MYH15: variants seen among roughly 807,000 people sequenced by gnomAD.
MYH15 encodes the protein myosin-15.
Under a neutral mutation model 240.5 loss-of-function variants are expected in MYH15, and 227 were observed. The ratio of observed to expected loss-of-function variants is 0.94; its 90% CI spans 0.85 to 1.05. The LOEUF (loss-of-function observed/expected upper bound fraction) is 1.05. Ranked by LOEUF, MYH15 falls within the 50% of genes least tolerant of loss-of-function variation. The pLI is 0.00. For missense variants in MYH15, 2,217 were observed against 2,247.5 expected (o/e 0.99, Z 0.27); for synonymous variants, 785 against 796.7 (o/e 0.99, Z 0.25).
intron 20 of MYH15, among the ~76,000 whole-genome samples, chr3:108,454,841 A>C (rs2083006027): frequency 6.6e-6 from 1 of 152,174 alleles, no homozygotes. Context: ...TTTCAACCTC[A>C]CTTGCCCAAC....
intron 30 of MYH15, among the ~76,000 whole-genome samples, chr3:108,413,696 T>G (rs2082611459): frequency 6.6e-6 from 1 of 152,224 alleles, no homozygotes; most frequent in Non-Finnish European, 1.5e-5. Context: ...ATTCTAATCT[T>G]AGGGGTGGCC....
At chr3:108,544,488 C>G in the MYH15 span, among the ~76,000 whole-genome samples, 1 of 152,120 alleles carries the variant, frequency 6.6e-6, no homozygotes, top group Non-Finnish European at 1.5e-5. Context: ...CTCCTTGGAT[C>G]GACCTACAAC....
intron 21 of MYH15, among the ~76,000 whole-genome samples, chr3:108,448,312 G>A (rs1412946400): frequency 6.6e-6 from 1 of 151,984 alleles, no homozygotes; most frequent in Non-Finnish European, 1.5e-5. Context: ...AAGACAGAGT[G>A]GCTGAATAGA....
In MYH15 at chr3:108,492,576, C is replaced by T. The variant is rs1442527979; in HGVS notation, c.795G>A (p.Arg265=). The change falls in exon 9 of 41, where the codon AGG becomes AGA. Residue 265 remains arginine, a synonymous_variant. Transcript: ENST00000693548. ...DIDIYLLEKS[R]VIFQQAGERN... ...TCTCTCCAGCCTGCTGGAAAATCAC[C>T]CTGGACTTTTCAAGCAAATCTGGAT... 6.2e-7 allele frequency: 1 copy of T among 1,612,762 alleles called. No individual in the cohort carries two copies. Among genetic ancestry groups the T allele is most frequent in the Non-Finnish European group, 8.5e-7 (1 of 1,179,236 alleles).
In MYH15 at chr3:108,441,124, CT is replaced by C; in HGVS notation, c.2791del (p.Arg931GlyfsTer12). The C allele has an allele frequency of 1.2e-6, 2 of 1,614,180 alleles. No individual in the cohort carries two copies. Among genetic ancestry groups the C allele is most frequent in the Non-Finnish European group, 8.5e-7 (1 of 1,180,012 alleles). On this transcript the variant is annotated frameshift_variant, in exon 23 of 41. Coordinates refer to ENST00000693548, the MANE Select transcript of MYH15 (RefSeq NM_014981.3). LOFTEE classifies it high-confidence loss of function. ...ACATTCATCTTCGAGTTTCCGCCCCCTGGCAGTCAGCTCAGAATTTATCTCC... is the reference window on the plus strand; with the variant it reads ...ACATTCATCTTCGAGTTTCCGCCCCCGGCAGTCAGCTCAGAATTTATCTCC... ...EEEINSELTA[R>X]GRKLEDECFE...
the MYH15 span, among the ~76,000 whole-genome samples, chr3:108,544,775 G>A: frequency 6.6e-6 from 1 of 151,960 alleles, no homozygotes; most frequent in South Asian, 2.1e-4. Context: ...CATTATCTCT[G>A]TAAACACAAC....
chr3:108,432,386 C>T (rs1448534309), intron 25 of MYH15, among the ~76,000 whole-genome samples: 1 of 150,912 alleles, frequency 6.6e-6, no homozygotes, highest in African/African-American at 2.4e-5. Flanking sequence ...GAAAGCAGAA[C>T]ATAAAAGTTT....
chr3:108,475,908 G>A (rs554039643), intron 12 of MYH15, among the ~76,000 whole-genome samples: 54 of 152,126 alleles, frequency 3.5e-4, no homozygotes, highest in Non-Finnish European at 6.9e-4. Flanking sequence ...TCTGCATGGC[G>A]TTCCATCTCT....
chr3:108,421,191 A>C lies in MYH15; in HGVS notation c.3726T>G (p.Thr1242=). The change falls in exon 28 of 41, where the codon ACT becomes ACG. Residue 1242 remains threonine (T), a synonymous_variant. Coordinates refer to ENST00000693548, the MANE Select transcript of MYH15 (RefSeq NM_014981.3). ...CTTCATGCAAGCGCTCTTCATATAG[A>C]GTACAGAGTTTCTCAGCATTTGCCT... ...RAKANAEKLC[T]LYEERLHEAT... is the part of the protein sequence containing the mutation. The C allele has an allele frequency of 1.2e-6, 2 of 1,613,440 alleles. No individual in the cohort carries two copies. The highest frequency in any genetic ancestry group is 1.7e-6 in the Non-Finnish European group (2 of 1,179,922).
chr3:108,495,302 G>A (rs867658344), intron 7 of MYH15, among the ~76,000 whole-genome samples: 16 of 152,154 alleles, frequency 1.1e-4, no homozygotes, highest in Middle Eastern at 3.4e-3. Flanking sequence ...TCCCCAGCCC[G>A]CCAAAATGTC....
At chr3:108,402,256 G>T (rs1388188939) in intron 33 of MYH15, among the ~76,000 whole-genome samples, 1 of 152,190 alleles carries the variant, frequency 6.6e-6, no homozygotes, top group African/African-American at 2.4e-5. Context: ...GAAAAGATTT[G>T]AGCATATTCT....
rs1321534000 is a variant in MYH15, at chr3:108,383,638, T to C, written c.5723A>G (p.Gln1908Arg). 1 of 1,613,008 alleles carries C rather than the reference T, an allele frequency of 6.2e-7. No individual in the cohort carries two copies. Among genetic ancestry groups the C allele is most frequent in the East Asian group, 2.2e-5 (1 of 44,812 alleles). ...VKERAEVAES[Q>R]VNKLKIKARE... ...TGCTTTAATTTTGAGTTTATTGACTTGAGATTCTGCCACCTCTGCCCTTTC... is the reference window on the plus strand; with the variant it reads ...TGCTTTAATTTTGAGTTTATTGACTCGAGATTCTGCCACCTCTGCCCTTTC... The change falls in exon 40 of 41, where the codon CAA becomes CGA. Residue 1908 changes from glutamine (Q) to arginine (R), a missense_variant. Coordinates refer to ENST00000693548, the MANE Select transcript of MYH15 (RefSeq NM_014981.3).
intron 10 of MYH15, 101 bp downstream of exon 10, chr3:108,486,322 A>C: frequency 1.1e-6 from 1 of 907,136 alleles, no homozygotes; most frequent in Non-Finnish European, 1.7e-6. Flanking sequence ...CTACGGAAGC[A>C]AGACCACTTC....
intron 9 of MYH15, among the ~76,000 whole-genome samples, chr3:108,489,937 G>A (rs114381359): frequency 1.9e-3 from 295 of 152,306 alleles, no homozygotes; most frequent in Non-Finnish European, 3.4e-3. Context: ...CCCAAAGACC[G>A]AAGAAGATAA....
intron 37 of MYH15, among the ~76,000 whole-genome samples, chr3:108,389,847 G>A (rs1039923805): frequency 3.3e-5 from 5 of 152,070 alleles, no homozygotes; most frequent in African/African-American, 1.2e-4. Context: ...TCTCCTTGAC[G>A]CCAATGCCAC....
chr3:108,426,164 C>G (rs1193608141), intron 27 of MYH15, among the ~76,000 whole-genome samples: 9 of 150,612 alleles, frequency 6.0e-5, no homozygotes, highest in Admixed American at 5.9e-4. Context: ...TTAGAAAATT[C>G]TCAGCCTGGC....
chr3:108,435,098 G>C (rs1195139820), intron 25 of MYH15, among the ~76,000 whole-genome samples: 4 of 152,038 alleles, frequency 2.6e-5, no homozygotes, highest in African/African-American at 7.2e-5. Context: ...TTGGATTCTT[G>C]ACATTTTTTA....
Position 108,428,581 on chromosome 3 carries a change from C to T in MYH15, c.3613G>A (p.Val1205Ile). The T allele has an allele frequency of 1.9e-6, 3 of 1,613,942 alleles. No individual in the cohort carries two copies. The highest frequency in any genetic ancestry group is 1.7e-6 in the Non-Finnish European group (2 of 1,180,012). ...TTGTCTTTTTCCAGTTTCTGCTTGA[C>T]CTGCTGTAGATTTTCTACCTGGCCC... is the stretch of plus-strand genomic sequence containing the variant. Reference protein sequence around the residue: ...LEGQVENLQQVKQKLEKDKSD... With the variant: ...LEGQVENLQQIKQKLEKDKSD... Residue 1205 changes from valine to isoleucine, a missense_variant, in exon 27 of 41, where the codon GTC becomes ATC. Transcript: ENST00000693548.
upstream of MYH15, among the ~76,000 whole-genome samples, chr3:108,534,090 T>G (rs2083730496): frequency 1.3e-5 from 2 of 152,196 alleles, no homozygotes; most frequent in Admixed American, 1.3e-4. Context: ...AGGCATTTCT[T>G]GTCATTAATC....
Sources: gnomAD v4.1 joint callset for allele counts (sites outside exome capture counted in the v4.1 genomes callset) on GRCh38, gnomAD v4.1.1 for gene constraint, MANE v1.5 for transcripts, NCBI Gene and HGNC (gene_info 2026-07-23, HGNC 2026-07-21) for gene names.